Variants in FYB1 observed in about 807,000 individuals in gnomAD.
FYB1 encodes the protein FYN-binding protein 1.
In FYB1, 41 loss-of-function variants were observed where a neutral mutation model predicts 94.1. That is an observed-to-expected ratio of 0.44 (90% CI 0.34 to 0.57). FYB1 has a LOEUF of 0.57. Ranked by LOEUF, FYB1 falls within the 20% of genes least tolerant of loss-of-function variation. FYB1 has a pLI of 0.02. For synonymous variants in FYB1, 367 were observed against 353.2 expected (o/e 1.04, Z -0.44); for missense variants, 1,050 against 976.8 (o/e 1.07, Z -1.00).
chr5:39,237,116 C>T (rs139306771), intron 1 of FYB1, among the ~76,000 whole-genome samples: 5 of 152,014 alleles, frequency 3.3e-5, no homozygotes, highest in Non-Finnish European at 5.9e-5. Flanking sequence ...ATCTCTTTTC[C>T]TTGAAATCCC....
chr5:39,123,592 T>A (rs926998874), intron 13 of FYB1, among the ~76,000 whole-genome samples: 3 of 152,148 alleles, frequency 2.0e-5, no homozygotes, highest in African/African-American at 7.2e-5. Context: ...GAAAAGAAAG[T>A]TCTAATGTCA....
rs746117420 is a variant in FYB1 at position 39,202,825 on chromosome 5, T to C, written c.136A>G (p.Ser46Gly). ...KNLFNNQGNASPPAGPSNVPK... is the reference protein window; with the variant it reads ...KNLFNNQGNAGPPAGPSNVPK... ...ACATTGCTGGGTCCTGCAGGAGGGC[T>C]GGCATTTCCTTGGTTGTTGAATAAG... Residue 46 changes from serine to glycine, a missense_variant, in exon 2 of 19, where the codon AGC becomes GGC. Ser to Gly is a moderately conservative substitution (Grantham distance 56). Transcript: ENST00000512982. 6.2e-7 allele frequency: 1 copy of C among 1,614,030 alleles called. No individual in the cohort carries two copies. Among genetic ancestry groups the C allele is most frequent in the Non-Finnish European group, 8.5e-7 (1 of 1,179,888 alleles).
At chr5:39,116,853 A>T (rs1416697076) in intron 16 of FYB1, among the ~76,000 whole-genome samples, 1 of 152,092 alleles carries the variant, frequency 6.6e-6, no homozygotes, top group Non-Finnish European at 1.5e-5. Flanking sequence ...CAAAAAAAAA[A>T]AGAATGTCAG....
intron 1 of FYB1, chr5:39,208,903 T>C (rs900622500): frequency 6.6e-6 from 1 of 152,162 alleles, no homozygotes; most frequent in Non-Finnish European, 1.5e-5. Context: ...AAATTTGTAA[T>C]AGATTCAAGC....
intron 1 of FYB1, among the ~76,000 whole-genome samples, chr5:39,265,892 T>C (rs1293625861): frequency 1.3e-5 from 2 of 151,872 alleles, no homozygotes; most frequent in African/African-American, 4.8e-5. Flanking sequence ...GCAATTTGAC[T>C]ACACTCCTTT....
intron 2 of FYB1, among the ~76,000 whole-genome samples, chr5:39,158,305 A>G (rs1490352759): frequency 6.6e-6 from 1 of 152,264 alleles, no homozygotes; most frequent in Admixed American, 6.5e-5. Context: ...CCATTTTATC[A>G]TGAGGAAATG....
intron 1 of FYB1, among the ~76,000 whole-genome samples, chr5:39,226,620 G>T (rs1032532386): frequency 2.0e-5 from 3 of 152,010 alleles, no homozygotes; most frequent in African/African-American, 7.3e-5. Flanking sequence ...GTATTGCATC[G>T]TATGATAGCA....
rs774444377 is a variant in FYB1, at chr5:39,106,203, T to G, written c.*1240A>C. The G allele has an allele frequency of 4.6e-5, 7 of 152,128 alleles. No individual in the cohort carries two copies. Among genetic ancestry groups the G allele is most frequent in the Non-Finnish European group, 7.4e-5 (5 of 68,002 alleles). The allele number at this position is 152,128 out of a possible 1,614,324, so 9.4% of individuals were successfully genotyped here. ...AACTTACTTAGTCTAATATTGTAATTTACAGATAAGGAAACTGAGAAGATA... is the reference window on the plus strand; with the variant it reads ...AACTTACTTAGTCTAATATTGTAATGTACAGATAAGGAAACTGAGAAGATA... On this transcript the variant is annotated 3_prime_UTR_variant, in exon 19 of 19. Coordinates refer to ENST00000512982, the MANE Select transcript of FYB1 (RefSeq NM_001465.6).
chr5:39,227,545 C>T lies in FYB1; in HGVS notation c.-27-24558G>A, dbSNP rs75664489. Among the ~76,000 whole-genome samples, 834 of 152,288 alleles carry T rather than the reference C, an allele frequency of 5.5e-3. 12 individuals carry two copies. The highest frequency in any genetic ancestry group is 0.019 in the African/African-American group (804 of 41,548). On this transcript the variant is annotated intron_variant, in intron 1 of 1. Transcript: ENST00000510188. ...TAGATGAAAGGGATATAGATGTGTG[C>T]TGTGTTATTGTTTAAGCTTTTCTGT...
intron 10 of FYB1, among the ~76,000 whole-genome samples, chr5:39,130,072 T>C (rs1291617118): frequency 2.0e-5 from 3 of 146,512 alleles, no homozygotes; most frequent in Non-Finnish European, 4.5e-5. Context: ...TATTTGGTCA[T>C]AAAAAAAAAA....
At chr5:39,162,619 A>G (rs1207816233) in intron 2 of FYB1, among the ~76,000 whole-genome samples, 1 of 151,962 alleles carries the variant, frequency 6.6e-6, no homozygotes, top group Non-Finnish European at 1.5e-5. Flanking sequence ...AGGGAGGCGG[A>G]GGTTGCAGTG....
At chr5:39,143,689 G>T (rs1742386025) in intron 3 of FYB1, among the ~76,000 whole-genome samples, 1 of 152,134 alleles carries the variant, frequency 6.6e-6, no homozygotes, top group African/African-American at 2.4e-5. Flanking sequence ...AAGAATGTGG[G>T]CTGGAAGTGA....
Position 39,202,254 on chromosome 5 carries a change from C to G in FYB1, c.707G>C (p.Gly236Ala). 1 of 1,613,884 alleles carries G rather than the reference C, an allele frequency of 6.2e-7. No individual in the cohort carries two copies. The highest frequency in any genetic ancestry group is 1.1e-5 in the South Asian group (1 of 91,074). Residue 236 changes from glycine to alanine, a missense_variant, in exon 2 of 19, where the codon GGC becomes GCC. By Grantham distance (60) the Gly-to-Ala change is moderately conservative. Coordinates refer to ENST00000512982, the MANE Select transcript of FYB1 (RefSeq NM_001465.6). ...GTCTTCCCTTGCTGGTTTTAAAGGG[C>G]CGCTTTTGGACCTGACTCCCAGGGG... ...PAPLGVRSKSGPLKPAREDSE... is the reference protein window; with the variant it reads ...PAPLGVRSKSAPLKPAREDSE...
intron 4 of FYB1, chr5:39,139,488 A>G (rs1741963777): frequency 3.3e-6 from 1 of 300,358 alleles, no homozygotes; most frequent in Non-Finnish European, 6.1e-6. Flanking sequence ...AAAATAATGC[A>G]AAGGGCGAAA....
At chr5:39,243,983 A>G (rs966384171) in intron 1 of FYB1, among the ~76,000 whole-genome samples, 2 of 152,158 alleles carry the variant, frequency 1.3e-5, no homozygotes, top group African/African-American at 4.8e-5. Flanking sequence ...ATTTTTGCAC[A>G]CTGATTTTGT....
In FYB1 at chr5:39,138,638, T is replaced by TA; in HGVS notation, c.1394+18dup. On this transcript the variant is annotated intron_variant, in intron 6 of 18. Transcript: ENST00000512982. ...TCATCTTTGAAGAAAACTGTCATGGTAAAAAATGTAATTCATACATGTCTT... is the reference window on the plus strand; with the variant it reads ...TCATCTTTGAAGAAAACTGTCATGGTAAAAAAATGTAATTCATACATGTCTT... The TA allele has an allele frequency of 2.0e-6, 3 of 1,486,442 alleles. No individual in the cohort carries two copies. The highest frequency in any genetic ancestry group is 2.8e-6 in the Non-Finnish European group (3 of 1,075,322). The allele number at this position is 1,486,442 out of a possible 1,614,324, so 92.1% of individuals were successfully genotyped here. A position where few individuals can be genotyped will look rare whatever the true frequency, so the allele number is the denominator to read the frequency against.
chr5:39,185,621 T>C (rs12655918), intron 2 of FYB1, among the ~76,000 whole-genome samples: 14,237 of 139,822 alleles, frequency 0.1, 1,277 homozygotes, highest in East Asian at 0.42. Context: ...TATATATATA[T>C]ACACACATAT....
chr5:39,193,639 A>C (rs1747561207), intron 2 of FYB1, among the ~76,000 whole-genome samples: 1 of 152,212 alleles, frequency 6.6e-6, no homozygotes, highest in Admixed American at 6.5e-5. Context: ...TTGGAGAAGC[A>C]AACTGTAAGG....
At chr5:39,127,604 T>G in intron 11 of FYB1, 137 bp downstream of exon 11, 1 of 933,036 alleles carries the variant, frequency 1.1e-6, no homozygotes. Context: ...ACAATTGCTG[T>G]TAATTAAACA....
Sources: allele counts gnomAD v4.1 joint callset (sites outside exome capture counted in the v4.1 genomes callset), GRCh38; gene constraint gnomAD v4.1.1; transcripts MANE v1.5; gene names NCBI Gene and HGNC (gene_info 2026-07-23, HGNC 2026-07-21).